The following EFCAB13 variants were observed in gnomAD, a reference collection of about 807,000 sequenced individuals.
EFCAB13 encodes EF-hand calcium-binding domain-containing protein 13.
In EFCAB13, 91 loss-of-function variants were observed where a neutral mutation model predicts 110.2. The observed-to-expected ratio is 0.83, with a 90% CI of 0.70 to 0.98. The LOEUF is 0.98. Ranked by LOEUF, EFCAB13 falls within the 50% of genes least tolerant of loss-of-function variation. The pLI is 0.00. For synonymous variants in EFCAB13, 323 were observed against 369.9 expected (o/e 0.87, Z 1.45); for missense variants, 968 against 1,119.4 (o/e 0.86, Z 1.93).
intron 14 of EFCAB13, among the ~76,000 whole-genome samples, chr17:47,389,440 ATAT>A: frequency 6.6e-6 from 1 of 152,306 alleles, no homozygotes; most frequent in East Asian, 1.9e-4. Context: ...ACAGCTCTTT[ATAT>A]TCACTCAGCA....
intron 14 of EFCAB13, among the ~76,000 whole-genome samples, chr17:47,379,545 T>C (rs55693255): frequency 0.054 from 7,944 of 146,460 alleles, 264 homozygotes; most frequent in East Asian, 0.11. Context: ...GATTAGGAAT[T>C]GATGGGTGAT....
chr17:47,362,724 T>C (rs892073116), intron 10 of EFCAB13, among the ~76,000 whole-genome samples: 1 of 152,188 alleles, frequency 6.6e-6, no homozygotes, highest in African/African-American at 2.4e-5. Flanking sequence ...GTGAAAGTAC[T>C]AAAAGCAGAA....
chr17:47,364,354 G>A (rs367864132), intron 10 of EFCAB13, among the ~76,000 whole-genome samples: 18 of 151,522 alleles, frequency 1.2e-4, no homozygotes, highest in East Asian at 9.7e-4. Flanking sequence ...CCACTCTGTC[G>A]CCAGACTGTA....
chr17:47,342,721 CTT>C (rs1291252049), intron 6 of EFCAB13, among the ~76,000 whole-genome samples: 1 of 152,084 alleles, frequency 6.6e-6, no homozygotes, highest in Non-Finnish European at 1.5e-5. Context: ...CTTTCAATCT[CTT>C]TACTGTCCCT....
In EFCAB13 at chr17:47,391,585, G is replaced by A. The variant is rs1232153228; in HGVS notation, c.1726+5G>A. The stretch of plus-strand genomic sequence containing the variant: ...CAGAACTGACTGAAGCTGGTGGTGA[G>A]TGATATATTTTCAGGCAAACTGCAT... On this transcript the variant is annotated splice_donor_5th_base_variant and intron_variant, in intron 15 of 24. Coordinates refer to ENST00000331493, the MANE Select transcript of EFCAB13 (RefSeq NM_152347.5). 4 of 1,557,960 alleles carry A rather than the reference G, an allele frequency of 2.6e-6. No individual in the cohort carries two copies. Among genetic ancestry groups the A allele is most frequent in the Non-Finnish European group, 3.5e-6 (4 of 1,159,094 alleles).
rs182408150 is a variant in EFCAB13 at position 47,327,398 on chromosome 17, C to T, written c.-85-871C>T. Among the ~76,000 whole-genome samples, 685 of 152,084 alleles carry T rather than the reference C, an allele frequency of 4.5e-3. 6 individuals carry two copies. Among genetic ancestry groups the T allele is most frequent in the African/African-American group, 0.016 (662 of 41,494 alleles). On this transcript the variant is annotated intron_variant, in intron 3 of 24. Coordinates refer to ENST00000331493, the MANE Select transcript of EFCAB13 (RefSeq NM_152347.5). The stretch of plus-strand genomic sequence containing the variant: ...CAGGCTGGTCTTGAACTCCTGACCT[C>T]GTGATCCACCTGCCTTGGCCTCTCA...
chr17:47,440,722 T>TA lies in EFCAB13; in HGVS notation c.*9dup. On this transcript the variant is annotated 3_prime_UTR_variant, in exon 25 of 25. Coordinates refer to ENST00000331493, the MANE Select transcript of EFCAB13 (RefSeq NM_152347.5). ...CCAAACTCAAAATTTTAGGTAGTCT[T>TA]ACTTGATAGTGCTAGAAAATTACTA... The TA allele has an allele frequency of 4.6e-6, 7 of 1,536,658 alleles. No individual in the cohort carries two copies. The highest frequency in any genetic ancestry group is 6.1e-6 in the Non-Finnish European group (7 of 1,147,802).
intron 11 of EFCAB13, 33 bp downstream of exon 11, chr17:47,370,541 G>T (rs2065576097): frequency 6.9e-7 from 1 of 1,444,962 alleles, no homozygotes; most frequent in African/African-American, 1.4e-5. Flanking sequence ...GACAAGTTTT[G>T]TTTATAATTA....
intron 24 of EFCAB13, among the ~76,000 whole-genome samples, chr17:47,432,344 G>A (rs1598769391): frequency 6.6e-6 from 1 of 151,774 alleles, no homozygotes; most frequent in African/African-American, 2.4e-5. Flanking sequence ...CTTGCAATGA[G>A]GTGAGATTGC....
chr17:47,432,187 G>GTCAGAT (rs1905127778), intron 24 of EFCAB13, among the ~76,000 whole-genome samples: 1 of 151,846 alleles, frequency 6.6e-6, no homozygotes, highest in Admixed American at 6.6e-5. Flanking sequence ...GGATCACGAG[G>GTCAGAT]TCAGATCAAG....
At chr17:47,371,602 G>A (rs1331304679) in intron 11 of EFCAB13, among the ~76,000 whole-genome samples, 2 of 152,002 alleles carry the variant, frequency 1.3e-5, no homozygotes, top group Non-Finnish European at 2.9e-5. Context: ...TCTTTATTCT[G>A]TTCCATTGCT....
chr17:47,376,870 C>G (rs965584183), intron 12 of EFCAB13, among the ~76,000 whole-genome samples: 1 of 152,144 alleles, frequency 6.6e-6, no homozygotes, highest in African/African-American at 2.4e-5. Flanking sequence ...GACTAGTTGT[C>G]TTGTATAATA....
At chr17:47,386,571 C>T (rs1225032492) in intron 14 of EFCAB13, among the ~76,000 whole-genome samples, 1 of 152,102 alleles carries the variant, frequency 6.6e-6, no homozygotes, top group African/African-American at 2.4e-5. Context: ...TTGCTGGGCT[C>T]CATGGGAGTG....
intron 10 of EFCAB13, among the ~76,000 whole-genome samples, chr17:47,365,373 G>T (rs1399667234): frequency 1.3e-5 from 2 of 152,136 alleles, no homozygotes; most frequent in African/African-American, 4.8e-5. Flanking sequence ...TCCTCATAAG[G>T]AAGGTCCTTA....
chr17:47,403,904 G>C lies in EFCAB13; in HGVS notation c.2044G>C (p.Asp682His), dbSNP rs1318998873. 1 of 1,608,814 alleles carries C rather than the reference G, an allele frequency of 6.2e-7. No individual in the cohort carries two copies. Among genetic ancestry groups the C allele is most frequent in the African/African-American group, 1.3e-5 (1 of 74,624 alleles). Residue 682 changes from aspartate (D) to histidine (H), a missense_variant, in exon 19 of 25, where the codon GAT becomes CAT. Asp to His is a moderately conservative substitution (Grantham distance 81, BLOSUM62 -1). Coordinates refer to ENST00000331493, the MANE Select transcript of EFCAB13 (RefSeq NM_152347.5). ...GTTACAGGAAGTTGTCTTAGCTGCT[G>C]ATTTGCTGGAAGGTGACATGATAGC... ...EELQEVVLAADLLEGDMIAGK... is the reference protein window; with the variant it reads ...EELQEVVLAAHLLEGDMIAGK...
At chr17:47,333,739 C>T (rs188402333) in intron 4 of EFCAB13, among the ~76,000 whole-genome samples, 19 of 152,270 alleles carry the variant, frequency 1.2e-4, no homozygotes, top group Admixed American at 1.2e-3. Context: ...AATCAGCTGA[C>T]TGTAAATATT....
chr17:47,325,262 G>A (rs989684946), intron 2 of EFCAB13, among the ~76,000 whole-genome samples: 9 of 151,294 alleles, frequency 5.9e-5, no homozygotes, highest in African/African-American at 1.5e-4. Context: ...CAGCCCTCCT[G>A]CTTAGACCCC....
intron 11 of EFCAB13, among the ~76,000 whole-genome samples, chr17:47,373,294 C>T (rs2065596064): frequency 6.6e-6 from 1 of 151,980 alleles, no homozygotes; most frequent in Non-Finnish European, 1.5e-5. Flanking sequence ...ATTTCAGTGT[C>T]TCTGTAAAAT....
chr17:47,377,809 T>G lies in EFCAB13; in HGVS notation c.1416T>G (p.Ile472Met). 6.3e-7 allele frequency: 1 copy of G among 1,589,834 alleles called. No homozygotes were observed. Reference protein sequence around the residue: ...EAISKLQENYIAAEELQSILP... With the variant: ...EAISKLQENYMAAEELQSILP... The stretch of plus-strand genomic sequence containing the variant: ...TCAGTAAACTTCAAGAAAATTACAT[T>G]GCAGCAGAAGAACTTCAGTCTATTT... Residue 472 changes from isoleucine to methionine, a missense_variant, in exon 13 of 25, where the codon ATT becomes ATG. Physicochemically the swap from Ile to Met is conservative, Grantham distance 10 (BLOSUM62 1). Transcript: ENST00000331493.
Sources: allele counts gnomAD v4.1 joint callset (sites outside exome capture counted in the v4.1 genomes callset), GRCh38; gene constraint gnomAD v4.1.1; transcripts MANE v1.5; gene names NCBI Gene and HGNC (gene_info 2026-07-23, HGNC 2026-07-21).